Variants in MAST4 observed in about 807,000 individuals in gnomAD.
The protein encoded by MAST4 is microtubule-associated serine/threonine-protein kinase 4.
In MAST4, 89 loss-of-function variants were observed where a neutral mutation model predicts 162.7. The observed-to-expected ratio is 0.55, with a 90% CI of 0.46 to 0.65. The LOEUF is 0.65. Ranked by LOEUF, MAST4 falls within the 30% of genes least tolerant of loss-of-function variation. MAST4 has a pLI of 0.00. For synonymous variants in MAST4, 1,479 were observed against 1,361.1 expected (o/e 1.09, Z -1.91); for missense variants, 3,153 against 3,374.0 (o/e 0.93, Z 1.62).
chr5:67,145,104 C>T, intron 22 of MAST4, 40 bp from the exon 23 acceptor site: 3 of 1,488,340 alleles, frequency 2.0e-6, no homozygotes, highest in Non-Finnish European at 2.8e-6. Flanking sequence ...ACACAGTTTT[C>T]TAGTATGTAT....
At chr5:67,059,664 C>G (rs1445806353) in intron 5 of MAST4, among the ~76,000 whole-genome samples, 2 of 152,152 alleles carry the variant, frequency 1.3e-5, no homozygotes, top group East Asian at 3.8e-4. Context: ...AGTTGTTTTA[C>G]TATGAATTTG....
intron 2 of MAST4, among the ~76,000 whole-genome samples, chr5:66,780,274 G>A (rs1043623255): frequency 5.3e-5 from 8 of 151,652 alleles, no homozygotes; most frequent in African/African-American, 7.3e-5. Flanking sequence ...ATGAAAGAAT[G>A]CATTTGACTA....
chr5:67,108,666 T>G (rs1433409994), intron 10 of MAST4, among the ~76,000 whole-genome samples: 6 of 152,162 alleles, frequency 3.9e-5, no homozygotes, highest in African/African-American at 1.4e-4. Context: ...TGTCAAAAGT[T>G]AACTGTTTTA....
intron 1 of MAST4, among the ~76,000 whole-genome samples, chr5:66,599,228 C>T (rs1266079818): frequency 6.6e-6 from 1 of 152,172 alleles, no homozygotes; most frequent in Non-Finnish European, 1.5e-5. Flanking sequence ...GGTTCTTACA[C>T]TGGTGATGGT....
chr5:67,094,902 A>G (rs965453262), intron 6 of MAST4, among the ~76,000 whole-genome samples: 4 of 152,138 alleles, frequency 2.6e-5, no homozygotes, highest in African/African-American at 9.7e-5. Context: ...TCACTGGTGG[A>G]GAAGGTTTCA....
chr5:66,965,623 GA>G (rs991911347), intron 4 of MAST4, among the ~76,000 whole-genome samples: 4 of 146,404 alleles, frequency 2.7e-5, no homozygotes, highest in African/African-American at 1.0e-4. Flanking sequence ...ACCAGACAGA[GA>G]AAAAAAAATC....
At chr5:67,009,004 T>C (rs562588895) in intron 4 of MAST4, among the ~76,000 whole-genome samples, 1 of 152,320 alleles carries the variant, frequency 6.6e-6, no homozygotes, top group South Asian at 2.1e-4. Flanking sequence ...TTCCAGGTGT[T>C]AGTAAACCTG....
At chr5:66,995,748 T>C (rs1750560651) in intron 4 of MAST4, among the ~76,000 whole-genome samples, 1 of 151,852 alleles carries the variant, frequency 6.6e-6, no homozygotes, top group Admixed American at 6.6e-5. Flanking sequence ...CAGTGGCTCA[T>C]ATGTGTAATC....
intron 4 of MAST4, among the ~76,000 whole-genome samples, chr5:66,904,465 T>C (rs925191937): frequency 1.3e-5 from 2 of 152,232 alleles, no homozygotes; most frequent in African/African-American, 4.8e-5. Context: ...AACTGTACTA[T>C]GTATTCTTAG....
rs1773673041 is a variant in MAST4 at position 67,164,810 on chromosome 5, G to A, written c.5631G>A (p.Leu1877=). 4 of 1,613,832 alleles carry A rather than the reference G, an allele frequency of 2.5e-6. No homozygotes were observed. Among genetic ancestry groups the A allele is most frequent in the Middle Eastern group, 1.6e-4 (1 of 6,084 alleles). The change falls in exon 29 of 29, where the codon CTG becomes CTA. Residue 1877 remains leucine, a synonymous_variant. Coordinates refer to ENST00000403625, the MANE Select transcript of MAST4 (RefSeq NM_001164664.2). This position sits in a 1 kb window ranked among gnomAD's most constrained non-coding sequence, Gnocchi z 5.3. ...NKSYLLEPWF[L]PPSRGLQNSP... is the part of the protein sequence containing the mutation. Reference sequence around the variant, plus strand: ...CCTACCTGCTGGAGCCTTGGTTCCTGCCCCCCAGCCGAGGTCTCCAGAATT... The same window carrying A: ...CCTACCTGCTGGAGCCTTGGTTCCTACCCCCCAGCCGAGGTCTCCAGAATT...
chr5:67,011,276 CTTG>C (rs1752638327), intron 4 of MAST4, among the ~76,000 whole-genome samples: 1 of 152,146 alleles, frequency 6.6e-6, no homozygotes, highest in African/African-American at 2.4e-5. Flanking sequence ...CCTGGCCCCA[CTTG>C]TTGCTCCTCT....
rs1768995421 is a variant in MAST4 at position 67,131,754 on chromosome 5, C to T, written c.1955-59C>T. 11 of 1,572,420 alleles carry T rather than the reference C, an allele frequency of 7.0e-6. No homozygotes were observed. The South Asian group carries it at 1.1e-4, about 16-fold the overall frequency. On this transcript the variant is annotated intron_variant, in intron 15 of 28. Coordinates refer to ENST00000403625, the MANE Select transcript of MAST4 (RefSeq NM_001164664.2). ...TCACCTTGAAATTCTGCAGTCTAAA[C>T]TGATTTTCTACATTAAGCCTTCATC... is the stretch of plus-strand genomic sequence containing the variant.
chr5:66,833,007 A>G (rs1757719843), intron 3 of MAST4, among the ~76,000 whole-genome samples: 3 of 152,190 alleles, frequency 2.0e-5, no homozygotes, highest in Admixed American at 2.0e-4. Context: ...TGCCTCTGAA[A>G]TAGATATAGT....
intron 4 of MAST4, among the ~76,000 whole-genome samples, chr5:67,051,809 T>C (rs1369042735): frequency 1.4e-4 from 21 of 152,340 alleles, no homozygotes; most frequent in Admixed American, 1.2e-3. Flanking sequence ...TTCATAAGTA[T>C]ACAGATTTAT....
intron 7 of MAST4, among the ~76,000 whole-genome samples, chr5:67,099,423 CT>C: frequency 6.6e-6 from 1 of 151,962 alleles, no homozygotes; most frequent in Middle Eastern, 3.4e-3. Context: ...AATTTTTAAG[CT>C]TTAGGCATTA....
chr5:66,643,878 G>GGT (rs1745644619), intron 1 of MAST4, among the ~76,000 whole-genome samples: 2 of 141,980 alleles, frequency 1.4e-5, no homozygotes, highest in African/African-American at 5.1e-5. Context: ...AATAGCTTGT[G>GGT]TTTTTTTTTT....
intron 4 of MAST4, among the ~76,000 whole-genome samples, chr5:66,969,556 C>T (rs550800936): frequency 2.0e-4 from 30 of 152,152 alleles, no homozygotes; most frequent in Non-Finnish European, 4.0e-4. Context: ...GGGAGGGCAT[C>T]CAGCGTAATT....
At chr5:66,784,146 T>C (rs371029308) in intron 2 of MAST4, among the ~76,000 whole-genome samples, 4 of 151,958 alleles carry the variant, frequency 2.6e-5, no homozygotes, top group Non-Finnish European at 5.9e-5. Context: ...ACCTAGGACG[T>C]AGGAGTCCTC....
chr5:66,655,170 A>G (rs1374272456), intron 1 of MAST4, among the ~76,000 whole-genome samples: 2 of 152,084 alleles, frequency 1.3e-5, no homozygotes, highest in Non-Finnish European at 2.9e-5. Flanking sequence ...GAGTCTTAGA[A>G]CTTTGGTGTT....
Sources: allele counts gnomAD v4.1 joint callset (sites outside exome capture counted in the v4.1 genomes callset), GRCh38; gene constraint gnomAD v4.1.1; non-coding constraint Gnocchi (gnomAD v3.1); transcripts MANE v1.5; gene names NCBI Gene and HGNC (gene_info 2026-07-23, HGNC 2026-07-21).